Variants in EBF2 observed in about 807,000 individuals in gnomAD.
EBF2 encodes EBF transcription factor 2, also known as transcription factor COE2.
A neutral mutation model predicts 72.8 loss-of-function variants in EBF2; 21 were observed. The observed-to-expected ratio is 0.29, with a 90% CI of 0.20 to 0.42. The LOEUF (loss-of-function observed/expected upper bound fraction) is 0.42. EBF2 is among the 10% of genes least tolerant of loss of function. The pLI is 1.00. For missense variants in EBF2, 637 were observed against 731.2 expected (o/e 0.87, Z 1.49); for synonymous variants, 299 against 274.2 (o/e 1.09, Z -0.89).
chr8:25,995,968 T>C (rs1182497019), intron 6 of EBF2, among the ~76,000 whole-genome samples: 1 of 152,080 alleles, frequency 6.6e-6, no homozygotes, highest in African/African-American at 2.4e-5. Context: ...CGTATCCTCC[T>C]TGCTGTTTGG....
chr8:25,846,440 C>G (rs1263419220), intron 15 of EBF2, among the ~76,000 whole-genome samples: 1 of 152,150 alleles, frequency 6.6e-6, no homozygotes, highest in Non-Finnish European at 1.5e-5. Context: ...GTAATCCCAG[C>G]TGTTTAGGAG....
At chr8:25,873,386 G>C (rs973181895) in intron 10 of EBF2, among the ~76,000 whole-genome samples, 2 of 152,236 alleles carry the variant, frequency 1.3e-5, no homozygotes, top group Non-Finnish European at 2.9e-5. Flanking sequence ...TCTCTGAGGA[G>C]TAGAGGGTGG....
intron 6 of EBF2, among the ~76,000 whole-genome samples, chr8:25,910,079 C>T (rs973869790): frequency 6.6e-6 from 1 of 152,080 alleles, no homozygotes; most frequent in African/African-American, 2.4e-5. Context: ...CGTGGCTGTC[C>T]GACCTCAGTG....
chr8:26,014,868 T>C (rs1046389188), intron 6 of EBF2, among the ~76,000 whole-genome samples: 7 of 152,198 alleles, frequency 4.6e-5, no homozygotes, highest in Non-Finnish European at 1.0e-4. Context: ...CATTTGCCCT[T>C]AGTGGCTTCC....
intron 10 of EBF2, among the ~76,000 whole-genome samples, chr8:25,869,396 G>A (rs1802391778): frequency 6.6e-6 from 1 of 152,024 alleles, no homozygotes; most frequent in Non-Finnish European, 1.5e-5. Flanking sequence ...TCTTTCCTAA[G>A]GGGGAATGAG....
At chr8:25,948,489 C>T (rs1803807806) in intron 6 of EBF2, among the ~76,000 whole-genome samples, 1 of 152,182 alleles carries the variant, frequency 6.6e-6, no homozygotes, top group South Asian at 2.1e-4. Context: ...TAATTATACC[C>T]TATTTGACTA....
intron 6 of EBF2, among the ~76,000 whole-genome samples, chr8:25,978,581 C>T (rs1428460517): frequency 6.6e-6 from 1 of 152,176 alleles, no homozygotes; most frequent in Non-Finnish European, 1.5e-5. Flanking sequence ...AGGTGCAGCC[C>T]TCCTGAGCCC....
chr8:25,863,132 CTT>C (rs1484274464), intron 10 of EBF2, among the ~76,000 whole-genome samples: 17 of 151,724 alleles, frequency 1.1e-4, no homozygotes, highest in Admixed American at 1.1e-3. Flanking sequence ...TTTCCTTTCT[CTT>C]ATCTCTTTCT....
intron 6 of EBF2, among the ~76,000 whole-genome samples, chr8:26,005,573 G>A (rs1313422823): frequency 2.0e-5 from 1 of 50,202 alleles, no homozygotes; most frequent in African/African-American, 8.4e-5. Context: ...GAGAGAGAGA[G>A]AGAGAGGTAT....
intron 6 of EBF2, among the ~76,000 whole-genome samples, chr8:25,977,064 C>T (rs939631850): frequency 9.9e-5 from 15 of 152,154 alleles, no homozygotes; most frequent in African/African-American, 3.4e-4. Flanking sequence ...CTCATGTTCC[C>T]AGGTCTGAGC....
At chr8:25,876,377 C>A (rs774941235) in intron 10 of EBF2, among the ~76,000 whole-genome samples, 5 of 152,058 alleles carry the variant, frequency 3.3e-5, no homozygotes, top group Non-Finnish European at 5.9e-5. Context: ...ACCTATGTAA[C>A]AAATCTGCAC....
chr8:26,043,775 G>A (rs1805651007), intron 1 of EBF2, among the ~76,000 whole-genome samples: 1 of 152,180 alleles, frequency 6.6e-6, no homozygotes, highest in Admixed American at 6.5e-5. Context: ...GAGGGTAGTG[G>A]AAGAAGTTCA....
chr8:25,931,004 G>T (rs1803470693), intron 6 of EBF2, among the ~76,000 whole-genome samples: 1 of 152,028 alleles, frequency 6.6e-6, no homozygotes, highest in Non-Finnish European at 1.5e-5. Context: ...AAGTTGAACA[G>T]AGTTGAAGCG....
At chr8:25,924,326 G>T (rs1803350911) in intron 6 of EBF2, among the ~76,000 whole-genome samples, 1 of 152,194 alleles carries the variant, frequency 6.6e-6, no homozygotes, top group Non-Finnish European at 1.5e-5. Flanking sequence ...CCTCTGGTAA[G>T]TAACCATGAC....
At chr8:25,877,193 C>T (rs931949549) in intron 10 of EBF2, among the ~76,000 whole-genome samples, 8 of 152,170 alleles carry the variant, frequency 5.3e-5, no homozygotes, top group Non-Finnish European at 7.3e-5. Flanking sequence ...CTCACTGCCA[C>T]CTGAAGTCAA....
At chr8:26,032,924 C>A in intron 6 of EBF2, 161 bp downstream of exon 6, 1 of 633,276 alleles carries the variant, frequency 1.6e-6, no homozygotes, top group Non-Finnish European at 2.8e-6. Flanking sequence ...CTGGCTTCTT[C>A]CAAGAAAGGC....
rs1478865449 is a variant in EBF2, at chr8:25,850,760, G to A, written c.1530C>T (p.Ile510=). ...NGSPTGSPYG[I]MSSSPTVGSS... Reference sequence around the variant, plus strand: ...ACCCAACGGTGGGACTTGATGACATGACTGGAAAGCAAATGCACAATCCTC... The same window carrying A: ...ACCCAACGGTGGGACTTGATGACATAACTGGAAAGCAAATGCACAATCCTC... The change falls in exon 15 of 16, where the codon ATC becomes ATT. Residue 510 remains isoleucine, a splice_region_variant and synonymous_variant. Transcript: ENST00000520164. 1.3e-6 allele frequency: 2 copies of A among 1,557,080 alleles called. No homozygotes were observed. Among genetic ancestry groups the A allele is most frequent in the Non-Finnish European group, 1.7e-6 (2 of 1,159,532 alleles).
chr8:25,994,797 G>T (rs574088498), intron 6 of EBF2, among the ~76,000 whole-genome samples: 1 of 152,102 alleles, frequency 6.6e-6, no homozygotes, highest in Admixed American at 6.6e-5. Flanking sequence ...AGGGTGGAGG[G>T]TAGGCAAAAA....
At chr8:25,849,332 C>A (rs1229382918) in intron 15 of EBF2, among the ~76,000 whole-genome samples, 1 of 152,156 alleles carries the variant, frequency 6.6e-6, no homozygotes, top group Non-Finnish European at 1.5e-5. Context: ...ACGTACCTCC[C>A]AGAGCTCTGC....
Sources: allele counts gnomAD v4.1 joint callset (sites outside exome capture counted in the v4.1 genomes callset), GRCh38; gene constraint gnomAD v4.1.1; transcripts MANE v1.5; gene names NCBI Gene and HGNC (gene_info 2026-07-23, HGNC 2026-07-21).